Variants in SNTG2 observed in about 807,000 individuals in gnomAD.
The protein encoded by SNTG2 is gamma-2-syntrophin.
Under a neutral mutation model 70.9 loss-of-function variants are expected in SNTG2, and 74 were observed. The observed-to-expected ratio is 1.04, with a 90% confidence interval of 0.86 to 1.27. SNTG2 has a LOEUF of 1.27. Among genes scored for constraint, SNTG2 ranks in the 50% most tolerant of loss-of-function variants. The pLI is 0.00. For missense variants in SNTG2, 717 were observed against 690.7 expected (o/e 1.04, Z -0.43); for synonymous variants, 278 against 273.8 (o/e 1.02, Z -0.15).
At chr2:1,265,948 G>A (rs925880056) in intron 13 of SNTG2, among the ~76,000 whole-genome samples, 1 of 152,134 alleles carries the variant, frequency 6.6e-6, no homozygotes, top group African/African-American at 2.4e-5. Flanking sequence ...TTGATGTTGG[G>A]GTGCAGCGTC....
chr2:1,221,809 C>T (rs1241434625), intron 9 of SNTG2, among the ~76,000 whole-genome samples: 1 of 6,364 alleles, frequency 1.6e-4, no homozygotes, highest in African/African-American at 7.9e-4. Context: ...CTCTGTCTCT[C>T]TCTCGGTCTC....
chr2:1,083,746 A>G (rs1664501055), intron 2 of SNTG2, 91 bp downstream of exon 2: 3 of 1,423,238 alleles, frequency 2.1e-6, no homozygotes, highest in Non-Finnish European at 9.7e-7. Context: ...ATGATTGCTG[A>G]GCAAAAGCTG....
chr2:1,254,192 G>A (rs932751632), intron 12 of SNTG2, among the ~76,000 whole-genome samples: 1 of 152,186 alleles, frequency 6.6e-6, no homozygotes, highest in Non-Finnish European at 1.5e-5. Context: ...AAGCAGGTCC[G>A]TGTTTCACAG....
At chr2:971,701 G>C (rs2147956647) in intron 1 of SNTG2, among the ~76,000 whole-genome samples, 1 of 144,988 alleles carries the variant, frequency 6.9e-6, no homozygotes, top group African/African-American at 2.5e-5. Context: ...CTAGCTTTGG[G>C]GTCAGTTTCC....
rs1444880686 is a variant in SNTG2 at position 965,401 on chromosome 2, A to T, written c.72+14333A>T. Among the ~76,000 whole-genome samples, 3 of 141,770 alleles carry T rather than the reference A, an allele frequency of 2.1e-5. No homozygotes were observed. In the Admixed American group the frequency reaches 2.1e-4, roughly 10 times the overall value. 93.0% of individuals were successfully genotyped at this position (141,770 alleles called of 152,430 possible). A position where few individuals can be genotyped will look rare whatever the true frequency, so the allele number is the denominator to read the frequency against. On this transcript the variant is annotated intron_variant, in intron 1 of 16. Transcript: ENST00000308624. ...CCTGGTCCCCAGTCCTCCTCCTTGG[A>T]CCCTTGTTTCTCCTCCTTGATCCCT...
intron 1 of SNTG2, among the ~76,000 whole-genome samples, chr2:1,066,531 A>G (rs1663166700): frequency 6.6e-6 from 1 of 151,942 alleles, no homozygotes; most frequent in Non-Finnish European, 1.5e-5. Context: ...ACCACCGGAC[A>G]GTGACCAGGA....
In SNTG2 at chr2:1,069,124, G is replaced by A. The variant is rs562599625; in HGVS notation, c.73-14394G>A. ...TATGATGGAAGGTGTTTATTATCTC[G>A]AGTCATAAACAACAAGTCTATGTTT... On this transcript the variant is annotated intron_variant, in intron 1 of 16. Coordinates refer to ENST00000308624, the MANE Select transcript of SNTG2 (RefSeq NM_018968.4). Among the ~76,000 whole-genome samples the A allele has an allele frequency of 2.6e-5, 4 of 152,174 alleles. No individual in the cohort carries two copies. The South Asian group carries it at 6.2e-4, about 24-fold the overall frequency.
At chr2:1,016,189 A>G (rs1256802567) in intron 1 of SNTG2, among the ~76,000 whole-genome samples, 1 of 152,054 alleles carries the variant, frequency 6.6e-6, no homozygotes, top group Non-Finnish European at 1.5e-5. Flanking sequence ...AAAGTGTATA[A>G]CTGTTGTCAA....
intron 4 of SNTG2, among the ~76,000 whole-genome samples, chr2:1,112,790 A>T (rs941306883): frequency 2.0e-5 from 3 of 151,292 alleles, no homozygotes; most frequent in African/African-American, 4.9e-5. Context: ...GTGTGTACTA[A>T]GTGAGGTTTA....
rs550157913 is a variant in SNTG2, at chr2:1,258,793, T to C, written c.1006-577T>C. Among the ~76,000 whole-genome samples, 5 of 152,332 alleles carry C rather than the reference T, an allele frequency of 3.3e-5. No individual in the cohort carries two copies. The East Asian group carries it at 9.6e-4, about 29-fold the overall frequency. On this transcript the variant is annotated intron_variant, in intron 12 of 16. Coordinates refer to ENST00000308624, the MANE Select transcript of SNTG2 (RefSeq NM_018968.4). The stretch of plus-strand genomic sequence containing the variant: ...TTCGACAGTGAGATTAGTTTGGCCA[T>C]TATTATTGTTAAAATAGTTGTGAAC...
intron 8 of SNTG2, among the ~76,000 whole-genome samples, chr2:1,176,043 T>C (rs73171720): frequency 0.015 from 2,232 of 152,290 alleles, 61 homozygotes; most frequent in African/African-American, 0.051. Flanking sequence ...GGAGGGGACA[T>C]GGGTAGAGTG....
In SNTG2 at chr2:1,178,980, A is replaced by C. The variant is rs577967123; in HGVS notation, c.591+5797A>C. Among the ~76,000 whole-genome samples the C allele has an allele frequency of 3.8e-4, 57 of 151,962 alleles. 1 individual carries two copies. In the South Asian group the frequency reaches 4.6e-3, roughly 12 times the overall value. On this transcript the variant is annotated intron_variant, in intron 8 of 16. Coordinates refer to ENST00000308624, the MANE Select transcript of SNTG2 (RefSeq NM_018968.4). ...CTATTGATTATTGCCACAATTTCAG[A>C]TCCTGTTATTGGTCTATTCAGAGAT...
chr2:1,114,667 C>G (rs1418714139), intron 4 of SNTG2, among the ~76,000 whole-genome samples: 2 of 151,562 alleles, frequency 1.3e-5, no homozygotes, highest in African/African-American at 2.4e-5. Context: ...GAGGTTTAAC[C>G]CTTACAGTCC....
intron 9 of SNTG2, among the ~76,000 whole-genome samples, chr2:1,225,461 G>A (rs539665608): frequency 1.3e-5 from 2 of 152,264 alleles, no homozygotes; most frequent in African/African-American, 2.4e-5. Flanking sequence ...ATCGTTGACC[G>A]GTCGTAAAGT....
intron 2 of SNTG2, among the ~76,000 whole-genome samples, chr2:1,096,900 A>C (rs1297705172): frequency 6.6e-6 from 1 of 152,176 alleles, no homozygotes; most frequent in Non-Finnish European, 1.5e-5. Flanking sequence ...ATGTCCCAGG[A>C]GTGGCTCTGA....
At chr2:1,042,446 G>A (rs1345599172) in intron 1 of SNTG2, among the ~76,000 whole-genome samples, 1 of 152,094 alleles carries the variant, frequency 6.6e-6, no homozygotes, top group Non-Finnish European at 1.5e-5. Context: ...TGTCATGGGG[G>A]TTTGGTGTAC....
intron 16 of SNTG2, among the ~76,000 whole-genome samples, chr2:1,328,231 T>C (rs1681838552): frequency 6.6e-6 from 1 of 152,130 alleles, no homozygotes; most frequent in Non-Finnish European, 1.5e-5. Flanking sequence ...CATGTGAGAT[T>C]TGGGTGGGGA....
chr2:1,162,677 C>T (rs543740840), intron 6 of SNTG2, among the ~76,000 whole-genome samples: 2 of 152,144 alleles, frequency 1.3e-5, no homozygotes, highest in Admixed American at 6.5e-5. Flanking sequence ...GGTGTCGTCG[C>T]CGTCATGAAC....
chr2:1,245,203 A>G (rs1410092194), intron 11 of SNTG2, among the ~76,000 whole-genome samples: 2 of 151,414 alleles, frequency 1.3e-5, no homozygotes, highest in African/African-American at 4.9e-5. Context: ...GCACACCAAC[A>G]TGGCACATGT....
Sources: allele counts gnomAD v4.1 joint callset (sites outside exome capture counted in the v4.1 genomes callset), GRCh38; gene constraint gnomAD v4.1.1; transcripts MANE v1.5; gene names NCBI Gene and HGNC (gene_info 2026-07-23, HGNC 2026-07-21).